The following STAP1 variants were observed in gnomAD, a reference collection of about 807,000 sequenced individuals.
STAP1 encodes signal-transducing adaptor protein 1.
Under a neutral mutation model 37.8 loss-of-function variants are expected in STAP1, and 30 were observed. The ratio of observed to expected loss-of-function variants is 0.79; its 90% CI spans 0.59 to 1.08. The LOEUF is 1.08. Ranked by LOEUF, STAP1 falls within the 50% of genes least tolerant of loss-of-function variation. The pLI, the probability that STAP1 is intolerant of heterozygous loss-of-function variation, is 0.00. For synonymous variants in STAP1, 130 were observed against 116.0 expected (o/e 1.12, Z -0.78); for missense variants, 357 against 349.4 (o/e 1.02, Z -0.17).
chr4:67,562,536 C>T (rs1727371882), intron 1 of STAP1, among the ~76,000 whole-genome samples: 1 of 147,214 alleles, frequency 6.8e-6, no homozygotes, highest in Admixed American at 7.0e-5. Flanking sequence ...GAGGCCGAGG[C>T]GGGCGGATCA....
At chr4:67,571,213 A>G in intron 2 of STAP1, 58 bp downstream of exon 2, 1 of 1,175,416 alleles carries the variant, frequency 8.5e-7, no homozygotes, top group Non-Finnish European at 1.2e-6. Flanking sequence ...GTCACATAGC[A>G]TATTATTCAT....
chr4:67,581,380 A>G lies in STAP1; in HGVS notation c.439A>G (p.Lys147Glu). 2 of 1,614,108 alleles carry G rather than the reference A, an allele frequency of 1.2e-6. No individual in the cohort carries two copies. Among genetic ancestry groups the G allele is most frequent in the Non-Finnish European group, 1.7e-6 (2 of 1,179,964 alleles). Residue 147 changes from lysine (K) to glutamate (E), a missense_variant, in exon 5 of 9, where the codon AAA becomes GAA. Physicochemically the swap from Lys to Glu is moderately conservative, Grantham distance 56. Coordinates refer to ENST00000265404, the MANE Select transcript of STAP1 (RefSeq NM_012108.4). ...GCATGAAGTCCTAGAGAGAGAAAAGAAAAGGAGGATTGAGACAGAGCAGAG... is the reference window on the plus strand; with the variant it reads ...GCATGAAGTCCTAGAGAGAGAAAAGGAAAGGAGGATTGAGACAGAGCAGAG... ...KLHEVLEREK[K>E]RRIETEQSTS...
intron 5 of STAP1, among the ~76,000 whole-genome samples, chr4:67,582,674 G>T (rs191797030): frequency 6.6e-6 from 1 of 151,114 alleles, no homozygotes. Flanking sequence ...TCTTGACTAC[G>T]ATTTACAGGT....
chr4:67,592,896 C>A (rs1728150338), intron 7 of STAP1, among the ~76,000 whole-genome samples: 1 of 152,162 alleles, frequency 6.6e-6, no homozygotes, highest in African/African-American at 2.4e-5. Flanking sequence ...GTTGCTCAGG[C>A]TGGTCTGAAA....
intron 1 of STAP1, among the ~76,000 whole-genome samples, chr4:67,567,151 A>G (rs1727488961): frequency 6.6e-6 from 1 of 152,178 alleles, no homozygotes; most frequent in Admixed American, 6.5e-5. Flanking sequence ...TTGTCATTAA[A>G]CTGCTTGACT....
At chr4:67,564,175 G>C (rs898083685) in intron 1 of STAP1, among the ~76,000 whole-genome samples, 24 of 152,090 alleles carry the variant, frequency 1.6e-4, no homozygotes, top group Non-Finnish European at 3.5e-4. Flanking sequence ...CTGTCCTTAG[G>C]TTTGCAGCTG....
rs188303056 is a variant in STAP1, at chr4:67,578,989, C to T, written c.363+1730C>T. On this transcript the variant is annotated intron_variant, in intron 4 of 8. Transcript: ENST00000265404. ...GATTAAAGGCACGTACCATCATGCC[C>T]GGCTAAGTTTTTTAAAAAATATTTT... 1.7e-3 allele frequency among the ~76,000 whole-genome samples: 259 copies of T among 152,058 alleles called. 4 individuals carry two copies. The highest frequency in any genetic ancestry group is 0.014 in the Admixed American group (221 of 15,288).
At chr4:67,589,741 A>C (rs1728080625) in intron 6 of STAP1, among the ~76,000 whole-genome samples, 1 of 152,180 alleles carries the variant, frequency 6.6e-6, no homozygotes, top group African/African-American at 2.4e-5. Context: ...TGACAAGGAT[A>C]GTGACTTCTG....
chr4:67,560,652 CTGTG>C (rs774715747), intron 1 of STAP1, among the ~76,000 whole-genome samples: 2 of 149,716 alleles, frequency 1.3e-5, no homozygotes, highest in Admixed American at 6.6e-5. Context: ...GGGTGTGTGT[CTGTG>C]TGTGTGTGTG....
Position 67,592,824 on chromosome 4 carries a change from C to G in STAP1, c.730-436C>G, listed in dbSNP as rs1011672068. The stretch of plus-strand genomic sequence containing the variant: ...TTAGCCTCCTGAGCAGCTGGCACTA[C>G]AGGTGTAAGCTACCACACCTAGCTA... On this transcript the variant is annotated intron_variant, in intron 7 of 8. Transcript: ENST00000265404. 7.9e-5 allele frequency among the ~76,000 whole-genome samples: 12 copies of G among 152,280 alleles called. 1 individual carries two copies. The highest frequency in any genetic ancestry group is 2.9e-4 in the African/African-American group (12 of 41,568).
chr4:67,562,601 TAAA>T (rs34000253), intron 1 of STAP1, among the ~76,000 whole-genome samples: 1 of 117,294 alleles, frequency 8.5e-6, no homozygotes, highest in Admixed American at 9.3e-5. Flanking sequence ...CTGTCTCTAC[TAAA>T]AAAAAAAAAA....
Position 67,575,387 on chromosome 4 carries a change from T to C in STAP1, c.195T>C (p.Tyr65=), listed in dbSNP as rs1214834946. The change falls in exon 3 of 9, where the codon TAT becomes TAC. Residue 65 remains tyrosine (Y), a splice_region_variant and synonymous_variant. Transcript: ENST00000265404. ...FFYTDKKSII[Y]VDKLDIVDLT... ...GTGATCTTCCTTTATCTTTGCAGTATGTTGACAAATTAGACATAGTAGACC... is the reference window on the plus strand; with the variant it reads ...GTGATCTTCCTTTATCTTTGCAGTACGTTGACAAATTAGACATAGTAGACC... The C allele has an allele frequency of 6.3e-7, 1 of 1,580,596 alleles. No individual in the cohort carries two copies. The highest frequency in any genetic ancestry group is 1.2e-5 in the South Asian group (1 of 84,642).
chr4:67,594,202 T>C (rs1229978307), intron 8 of STAP1, among the ~76,000 whole-genome samples: 1 of 152,056 alleles, frequency 6.6e-6, no homozygotes, highest in Admixed American at 6.5e-5. Context: ...TTCTACAGAT[T>C]ATGGGGGAAA....
chr4:67,558,956 C>G (rs776944986), intron 1 of STAP1, 27 bp downstream of exon 1: 3 of 1,537,472 alleles, frequency 2.0e-6, no homozygotes, highest in Non-Finnish European at 2.6e-6. Context: ...TAATGTTAAA[C>G]CTAAGACTTC....
At chr4:67,605,695 A>G (rs920042790) in intron 8 of STAP1, among the ~76,000 whole-genome samples, 1 of 152,254 alleles carries the variant, frequency 6.6e-6, no homozygotes, top group African/African-American at 2.4e-5. Context: ...GAAAAGCTAC[A>G]CAAAGATAAA....
At chr4:67,560,527 C>T (rs915681835) in intron 1 of STAP1, among the ~76,000 whole-genome samples, 2 of 152,184 alleles carry the variant, frequency 1.3e-5, no homozygotes, top group Non-Finnish European at 2.9e-5. Flanking sequence ...CTACTCTTTA[C>T]CTTCTCTTAG....
chr4:67,597,117 C>T (rs1183939095), intron 8 of STAP1, among the ~76,000 whole-genome samples: 2 of 152,174 alleles, frequency 1.3e-5, no homozygotes, highest in Non-Finnish European at 2.9e-5. Flanking sequence ...GGACCCAGGG[C>T]CCCACTGCTC....
rs1728473599 is a variant in STAP1 at position 67,607,243 on chromosome 4, GGA to G, written c.*892_*893del. The G allele has an allele frequency of 6.6e-6, 1 of 152,186 alleles. No individual in the cohort carries two copies. The highest frequency in any genetic ancestry group is 2.4e-5 in the African/African-American group (1 of 41,434). The allele number at this position is 152,186 out of a possible 1,614,324, so 9.4% of individuals were successfully genotyped here. A position where few individuals can be genotyped will look rare whatever the true frequency, so the allele number is the denominator to read the frequency against. ...GAGAAAACAGCCATTGACAACTCAAGGAGAGAGGCCTCGGGGGGAAAAAAAGA... is the reference window on the plus strand; with the variant it reads ...GAGAAAACAGCCATTGACAACTCAAGGAGAGGCCTCGGGGGGAAAAAAAGA... On this transcript the variant is annotated 3_prime_UTR_variant, in exon 9 of 9. Transcript: ENST00000265404.
intron 6 of STAP1, among the ~76,000 whole-genome samples, chr4:67,588,708 C>T (rs1055689306): frequency 8.5e-5 from 13 of 152,144 alleles, no homozygotes; most frequent in African/African-American, 3.1e-4. Flanking sequence ...TGCGCCCGGC[C>T]AATATGATGG....
Sources: gnomAD v4.1 joint callset for allele counts (sites outside exome capture counted in the v4.1 genomes callset) on GRCh38, gnomAD v4.1.1 for gene constraint, MANE v1.5 for transcripts, NCBI Gene and HGNC (gene_info 2026-07-23, HGNC 2026-07-21) for gene names.